MORC1: variants seen among roughly 807,000 people sequenced by gnomAD.
MORC1 encodes MORC family CW-type zinc finger 1.
In MORC1, 59 loss-of-function variants were observed where a neutral mutation model predicts 134.9. The ratio of observed to expected loss-of-function variants is 0.44; its 90% CI spans 0.35 to 0.54. The LOEUF (loss-of-function observed/expected upper bound fraction) is 0.54. Ranked by LOEUF, MORC1 falls within the 20% of genes least tolerant of loss-of-function variation. The pLI is 0.00. For missense variants in MORC1, 947 were observed against 1,134.5 expected, an observed-to-expected ratio of 0.83 and a Z score of 2.37; for synonymous variants, 395 against 391.7, an observed-to-expected ratio of 1.01 and a Z score of -0.10.
intron 21 of MORC1, 123 bp downstream of exon 21, chr3:109,000,434 T>C (rs1343471979): frequency 2.2e-5 from 15 of 696,584 alleles, no homozygotes; most frequent in Non-Finnish European, 3.2e-5. Context: ...GAGTCTTATT[T>C]CTTCATCTCA....
intron 8 of MORC1, among the ~76,000 whole-genome samples, chr3:109,072,568 G>A (rs1020763369): frequency 2.0e-5 from 3 of 152,286 alleles, no homozygotes; most frequent in South Asian, 2.1e-4. Context: ...AATCATTCAG[G>A]ACTTCCCTGG....
At chr3:109,100,716 C>A (rs910169124) in intron 4 of MORC1, among the ~76,000 whole-genome samples, 2 of 152,206 alleles carry the variant, frequency 1.3e-5, no homozygotes, top group Admixed American at 1.3e-4. Context: ...GCAGGCTCCA[C>A]ATTCATAGAC....
intron 14 of MORC1, among the ~76,000 whole-genome samples, chr3:109,042,528 T>G (rs1033598646): frequency 6.6e-6 from 1 of 152,148 alleles, no homozygotes; most frequent in Non-Finnish European, 1.5e-5. Context: ...TGGAGTTTCC[T>G]TCAAAAATTA....
intron 8 of MORC1, among the ~76,000 whole-genome samples, chr3:109,087,592 A>G (rs1179739203): frequency 2.6e-5 from 4 of 152,156 alleles, no homozygotes; most frequent in Non-Finnish European, 5.9e-5. Context: ...AAACAAATGG[A>G]AAAACATCAC....
intron 9 of MORC1, among the ~76,000 whole-genome samples, chr3:109,066,138 A>G (rs1950190521): frequency 6.6e-6 from 1 of 152,160 alleles, no homozygotes; most frequent in Non-Finnish European, 1.5e-5. Context: ...TACCCATGTA[A>G]AAAACCTGCA....
intron 4 of MORC1, among the ~76,000 whole-genome samples, chr3:109,102,847 A>C (rs72935401): frequency 0.013 from 2,034 of 152,320 alleles, 29 homozygotes; most frequent in African/African-American, 0.036. Flanking sequence ...TTGTTGTTAC[A>C]AACTCTTCTT....
chr3:109,117,184 C>T (rs910994480), intron 1 of MORC1, among the ~76,000 whole-genome samples: 7 of 152,026 alleles, frequency 4.6e-5, no homozygotes, highest in African/African-American at 1.7e-4. Flanking sequence ...CTGTTTAACT[C>T]TGCTATGTTA....
intron 24 of MORC1, among the ~76,000 whole-genome samples, chr3:108,971,991 T>C (rs933750152): frequency 6.6e-6 from 1 of 152,142 alleles, no homozygotes; most frequent in South Asian, 2.1e-4. Context: ...TGGAAGAAAG[T>C]AGGCTGACTA....
At chr3:109,048,827 C>T (rs1949754691) in intron 14 of MORC1, among the ~76,000 whole-genome samples, 1 of 151,328 alleles carries the variant, frequency 6.6e-6, no homozygotes, top group Non-Finnish European at 1.5e-5. Flanking sequence ...AGGGCCCACC[C>T]AAACGACTCC....
At chr3:109,029,826 G>A (rs1199239108) in intron 16 of MORC1, among the ~76,000 whole-genome samples, 1 of 152,174 alleles carries the variant, frequency 6.6e-6, no homozygotes, top group African/African-American at 2.4e-5. Context: ...GGAGAAGGAT[G>A]CCTTCCAACA....
chr3:109,037,694 T>C (rs1005655629), intron 14 of MORC1, among the ~76,000 whole-genome samples: 19 of 152,214 alleles, frequency 1.2e-4, no homozygotes, highest in Admixed American at 3.3e-4. Flanking sequence ...CATGAGGTGT[T>C]TGGTTTTCTG....
chr3:109,029,013 T>C (rs1026639030), intron 16 of MORC1, among the ~76,000 whole-genome samples: 4 of 152,046 alleles, frequency 2.6e-5, no homozygotes, highest in African/African-American at 9.7e-5. Context: ...AGGAGGAGGC[T>C]GAGGATCGAG....
intron 8 of MORC1, among the ~76,000 whole-genome samples, chr3:109,089,568 T>G (rs1435786353): frequency 2.6e-5 from 4 of 151,980 alleles, no homozygotes; most frequent in Non-Finnish European, 4.4e-5. Flanking sequence ...ACCAATAAGA[T>G]AGAGGGAAAG....
At chr3:108,991,469 T>C (rs1240237006) in intron 21 of MORC1, among the ~76,000 whole-genome samples, 1 of 152,154 alleles carries the variant, frequency 6.6e-6, no homozygotes, top group Non-Finnish European at 1.5e-5. Context: ...TGAATGGTGG[T>C]ATCATTTACT....
In MORC1 at chr3:108,971,389, A is replaced by G; in HGVS notation, c.2491T>C (p.Tyr831His). 8.1e-6 allele frequency: 13 copies of G among 1,612,882 alleles called. No homozygotes were observed. Among genetic ancestry groups the G allele is most frequent in the Non-Finnish European group, 1.1e-5 (13 of 1,178,972 alleles). Residue 831 changes from tyrosine (Y) to histidine (H), a missense_variant, in exon 25 of 28, where the codon TAT becomes CAT. By Grantham distance (83) the Tyr-to-His change is moderately conservative. Coordinates refer to ENST00000232603, the MANE Select transcript of MORC1 (RefSeq NM_014429.4). ...GGTAGCTGATGCTCAGGAAAAAAAT[A>G]CAGAAGAATCTCCCTAGGAATACAA... Reference protein sequence around the residue: ...LKSKLREILLYFFPEHQLPSE... With the variant: ...LKSKLREILLHFFPEHQLPSE...
At chr3:108,988,172 C>A (rs1947946944) in intron 21 of MORC1, among the ~76,000 whole-genome samples, 1 of 152,072 alleles carries the variant, frequency 6.6e-6, no homozygotes, top group Non-Finnish European at 1.5e-5. Context: ...GGAAACTGTG[C>A]TCTCTCAGGA....
chr3:109,095,372 C>T (rs868297947), intron 6 of MORC1, among the ~76,000 whole-genome samples: 53 of 152,148 alleles, frequency 3.5e-4, no homozygotes, highest in African/African-American at 1.2e-3. Flanking sequence ...AAGCAGATGA[C>T]AGCACACGCA....
chr3:109,102,664 GT>G (rs1257346715), intron 4 of MORC1, among the ~76,000 whole-genome samples: 1 of 152,126 alleles, frequency 6.6e-6, no homozygotes, highest in Non-Finnish European at 1.5e-5. Flanking sequence ...TCACTTGTCT[GT>G]GTTTCAAACA....
intron 26 of MORC1, among the ~76,000 whole-genome samples, chr3:108,966,016 AG>A (rs750939502): frequency 2.4e-4 from 36 of 152,172 alleles, no homozygotes; most frequent in Non-Finnish European, 4.0e-4. Context: ...TAACCTCTCC[AG>A]GAAGTTTCTA....
Sources: gnomAD v4.1 joint callset for allele counts (sites outside exome capture counted in the v4.1 genomes callset) on GRCh38, gnomAD v4.1.1 for gene constraint, MANE v1.5 for transcripts, NCBI Gene and HGNC (gene_info 2026-07-23, HGNC 2026-07-21) for gene names.